Variants in APLP2 observed in about 807,000 individuals in gnomAD.
The protein encoded by APLP2 is CDEI box-binding protein.
Under a neutral mutation model 89.9 loss-of-function variants are expected in APLP2, and 53 were observed. The ratio of observed to expected loss-of-function variants is 0.59; its 90% confidence interval spans 0.47 to 0.74. APLP2 has a LOEUF of 0.74. Among genes scored for constraint, APLP2 ranks in the 30% least tolerant of loss-of-function variants. The pLI, the probability that APLP2 is intolerant of heterozygous loss-of-function variation, is 0.00. For synonymous variants in APLP2, 372 were observed against 348.6 expected (o/e 1.07, Z -0.75); for missense variants, 973 against 975.9 (o/e 1.00, Z 0.04).
intron 7 of APLP2, 133 bp from the exon 8 acceptor site, chr11:130,126,567 G>C: frequency 9.8e-7 from 1 of 1,018,372 alleles, no homozygotes; most frequent in Non-Finnish European, 1.5e-6. Flanking sequence ...AGTCTTGGCA[G>C]ATAGCAGCAC....
chr11:130,108,279 A>G (rs958542220), intron 1 of APLP2, among the ~76,000 whole-genome samples: 2 of 152,214 alleles, frequency 1.3e-5, no homozygotes, highest in African/African-American at 4.8e-5. Flanking sequence ...TGAACAGGCA[A>G]CCTTGGGAGA....
At chr11:130,097,047 A>T (rs1024490830) in intron 1 of APLP2, among the ~76,000 whole-genome samples, 3 of 152,232 alleles carry the variant, frequency 2.0e-5, no homozygotes, top group African/African-American at 7.2e-5. Flanking sequence ...TAAGCTGGTA[A>T]TACAGTCTGA....
At chr11:130,130,012 A>T in intron 10 of APLP2, 26 bp from the exon 11 acceptor site, 1 of 1,610,492 alleles carries the variant, frequency 6.2e-7, no homozygotes, top group South Asian at 1.1e-5. Flanking sequence ...GTCTCTGGAT[A>T]TTAAAACAAC....
In APLP2 at chr11:130,120,853, G is replaced by A. The variant is rs373169038; in HGVS notation, c.516+35G>A. ...CTCGGGGGGAAAGTCAGCTGCTGTT[G>A]TATCTGTTAGGAGGGAAGTAGCACT... On this transcript the variant is annotated intron_variant, in intron 4 of 16. Coordinates refer to ENST00000338167, the MANE Select transcript of APLP2 (RefSeq NM_001142276.2). 4 of 1,465,962 alleles carry A rather than the reference G, an allele frequency of 2.7e-6. No individual in the cohort carries two copies. The African/African-American group carries it at 5.5e-5, about 20-fold the overall frequency. 90.8% of individuals were successfully genotyped at this position (1,465,962 alleles called of 1,614,324 possible).
Position 130,143,641 on chromosome 11 carries a change from A to G in APLP2, c.*193A>G. On this transcript the variant is annotated 3_prime_UTR_variant, in exon 17 of 17. Transcript: ENST00000338167. ...TCTTTTAAATGGGTGAAAAATGGTA[A>G]TATAACAATATATGATATATAAACC... is the stretch of plus-strand genomic sequence containing the variant. The G allele has an allele frequency of 1.8e-6, 1 of 559,016 alleles. No individual in the cohort carries two copies. Among genetic ancestry groups the G allele is most frequent in the Non-Finnish European group, 3.2e-6 (1 of 311,522 alleles). 34.6% of individuals were successfully genotyped at this position (559,016 alleles called of 1,614,324 possible). A position where few individuals can be genotyped will look rare whatever the true frequency, so the allele number is the denominator to read the frequency against.
intron 3 of APLP2, among the ~76,000 whole-genome samples, chr11:130,113,875 T>C (rs760243159): frequency 6.6e-6 from 1 of 152,202 alleles, no homozygotes. Flanking sequence ...TCACCCAGAT[T>C]TCAGATTTTC....
chr11:130,133,651 T>C lies in APLP2; in HGVS notation c.1607T>C (p.Ile536Thr), dbSNP rs1380760029. 1.2e-6 allele frequency: 2 copies of C among 1,614,076 alleles called. No individual in the cohort carries two copies. The highest frequency in any genetic ancestry group is 2.2e-5 in the East Asian group (1 of 44,882). The change falls in exon 12 of 17, where the codon ATT becomes ACT. Residue 536 changes from isoleucine (I) to threonine (T), a missense_variant. By Grantham distance (89) the Ile-to-Thr change is moderately conservative. Transcript: ENST00000338167. Reference sequence around the variant, plus strand: ...CAGGTGATGACACATCTCCACGTGATTGAAGAAAGGAGGAACCAAAGCCTC... The same window carrying C: ...CAGGTGATGACACATCTCCACGTGACTGAAGAAAGGAGGAACCAAAGCCTC... Reference protein sequence around the residue: ...KSQVMTHLHVIEERRNQSLSL... With the variant: ...KSQVMTHLHVTEERRNQSLSL...
At chr11:130,078,343 C>T (rs1415794745) in intron 1 of APLP2, among the ~76,000 whole-genome samples, 1 of 152,094 alleles carries the variant, frequency 6.6e-6, no homozygotes, top group African/African-American at 2.4e-5. Flanking sequence ...GTTTGTTCTG[C>T]TGTTGATGGA....
chr11:130,108,776 A>G lies in APLP2; in HGVS notation c.106-653A>G, dbSNP rs56409518. On this transcript the variant is annotated intron_variant, in intron 1 of 16. Coordinates refer to ENST00000338167, the MANE Select transcript of APLP2 (RefSeq NM_001142276.2). ...GCACACATATGTTCATTGCAGCACT[A>G]TTCACAATAGCAAAGACTTGGAACC... The G allele has an allele frequency of 3.1e-3, 474 of 152,378 alleles. 2 individuals are homozygous for G. Among genetic ancestry groups the G allele is most frequent in the Admixed American group, 6.7e-3 (102 of 15,304 alleles). The allele number at this position is 152,378 out of a possible 1,614,324, so 9.4% of individuals were successfully genotyped here. A position where few individuals can be genotyped will look rare whatever the true frequency, so the allele number is the denominator to read the frequency against.
At chr11:130,114,545 G>A (rs765744314) in intron 3 of APLP2, among the ~76,000 whole-genome samples, 11 of 152,188 alleles carry the variant, frequency 7.2e-5, no homozygotes, top group African/African-American at 2.4e-4. Flanking sequence ...TGGGGGCCCC[G>A]TTATGCTGGT....
intron 1 of APLP2, among the ~76,000 whole-genome samples, chr11:130,083,090 C>T (rs915165102): frequency 1.6e-5 from 2 of 127,828 alleles, no homozygotes; most frequent in Non-Finnish European, 3.1e-5. Context: ...GGCCAGAGTG[C>T]AGTGGCACAA....
chr11:130,143,258 G>C, intron 16 of APLP2, 89 bp from the exon 17 acceptor site: 1 of 1,210,208 alleles, frequency 8.3e-7, no homozygotes, highest in South Asian at 1.2e-5. Flanking sequence ...GTCCTCAGGG[G>C]ATTGTGCAGC....
chr11:130,098,776 A>G lies in APLP2; in HGVS notation c.106-10653A>G, dbSNP rs576536621. 7.2e-5 allele frequency among the ~76,000 whole-genome samples: 11 copies of G among 152,366 alleles called. No homozygotes were observed. In the East Asian group the frequency reaches 2.1e-3, roughly 29 times the overall value. On this transcript the variant is annotated intron_variant, in intron 1 of 16. Coordinates refer to ENST00000338167, the MANE Select transcript of APLP2 (RefSeq NM_001142276.2). ...AAAAACAAAGTATATATCATAGAGT[A>G]CCAGGTCAGCCAGAGGAAGCTTATA...
At chr11:130,129,248 T>G in intron 10 of APLP2, 42 bp downstream of exon 10, 1 of 1,572,842 alleles carries the variant, frequency 6.4e-7, no homozygotes. Context: ...AGGTGGTATA[T>G]GTAGGGGACC....
At position 130,143,768 on chromosome 11, in the gene APLP2, A is replaced by C. The variant is rs537911341; in HGVS notation, c.*320A>C. 5.2e-4 allele frequency: 124 copies of C among 237,162 alleles called. 2 individuals are homozygous for C. In the South Asian group the frequency reaches 7.8e-3, roughly 15 times the overall value. 14.7% of individuals were successfully genotyped at this position (237,162 alleles called of 1,614,324 possible). A position where few individuals can be genotyped will look rare whatever the true frequency, so the allele number is the denominator to read the frequency against. On this transcript the variant is annotated 3_prime_UTR_variant, in exon 17 of 17. Transcript: ENST00000338167. Reference sequence around the variant, plus strand: ...TTGTATTGTCTGACACATGCTCTCAATATATAATAAATGGGAAATGTCGAT... The same window carrying C: ...TTGTATTGTCTGACACATGCTCTCACTATATAATAAATGGGAAATGTCGAT...
At chr11:130,110,503 T>A (rs1195818873) in intron 2 of APLP2, 35 bp from the exon 3 acceptor site, 2 of 1,607,924 alleles carry the variant, frequency 1.2e-6, no homozygotes, top group African/African-American at 1.3e-5. Context: ...TGTCTGCAGA[T>A]TGATTTATTG....
chr11:130,073,417 T>A (rs1035326611), intron 1 of APLP2, among the ~76,000 whole-genome samples: 4 of 152,264 alleles, frequency 2.6e-5, no homozygotes, highest in African/African-American at 4.8e-5. Context: ...CAGAATTTTT[T>A]AATATGTTCC....
intron 8 of APLP2, among the ~76,000 whole-genome samples, chr11:130,127,128 T>C (rs559020884): frequency 6.6e-6 from 1 of 152,108 alleles, no homozygotes; most frequent in Admixed American, 6.5e-5. Flanking sequence ...AAGGAAACTT[T>C]ATATCACTGT....
At chr11:130,091,269 CTGA>C (rs1945076609) in intron 1 of APLP2, among the ~76,000 whole-genome samples, 4 of 134,258 alleles carry the variant, frequency 3.0e-5, no homozygotes, top group African/African-American at 9.1e-5. Context: ...GGGCGGGGGG[CTGA>C]CCCCCCCACC....
Sources: gnomAD v4.1 joint callset for allele counts (sites outside exome capture counted in the v4.1 genomes callset) on GRCh38, gnomAD v4.1.1 for gene constraint, MANE v1.5 for transcripts, NCBI Gene and HGNC (gene_info 2026-07-23, HGNC 2026-07-21) for gene names.